Variants in TSPEAR observed in about 807,000 individuals in gnomAD.
TSPEAR encodes thrombospondin type laminin G domain and EAR repeats, also known as thrombospondin-type laminin G domain and EAR repeat-containing protein.
In TSPEAR, 69 loss-of-function variants were observed where a neutral mutation model predicts 71.6. The ratio of observed to expected loss-of-function variants is 0.96; its 90% CI spans 0.79 to 1.18. The LOEUF (loss-of-function observed/expected upper bound fraction) is 1.18, where lower values mean the gene tolerates loss of function less well. Among genes scored for constraint, TSPEAR ranks in the 50% most tolerant of loss-of-function variants. The pLI, the probability that TSPEAR is intolerant of heterozygous loss-of-function variation, is 0.00. For missense variants in TSPEAR, 971 were observed against 894.9 expected (o/e 1.09, Z -1.09); for synonymous variants, 402 against 387.2 (o/e 1.04, Z -0.45).
intron 1 of TSPEAR, chr21:44,666,219 C>G: frequency 1.9e-6 from 1 of 536,962 alleles, no homozygotes; most frequent in Non-Finnish European, 3.3e-6. Context: ...ATTTGGCTCT[C>G]ATGGGGTCAG....
Position 44,612,152 on chromosome 21 carries a change from T to C in TSPEAR, c.83-44147A>G. 1 of 1,614,100 alleles carries C rather than the reference T, an allele frequency of 6.2e-7. No individual in the cohort carries two copies. Among genetic ancestry groups the C allele is most frequent in the South Asian group, 1.1e-5 (1 of 91,084 alleles). ...GTATGTGATTGCTGCATCCACCATG[T>C]CTGTCTGCTCCAGTGACGTGGGCCA... On this transcript the variant is annotated intron_variant, in intron 1 of 11. Transcript: ENST00000323084. This position sits in a 1 kb window ranked among gnomAD's most constrained non-coding sequence, Gnocchi z 4.1.
At chr21:44,631,138 C>G (rs2876970) in intron 1 of TSPEAR, among the ~76,000 whole-genome samples, 95,825 of 151,806 alleles carry the variant, frequency 0.63, 30,585 homozygotes, top group Admixed American at 0.69. Context: ...TGAATTTACT[C>G]GACAAAGTCT....
intron 1 of TSPEAR, among the ~76,000 whole-genome samples, chr21:44,629,458 T>C (rs1042179263): frequency 6.6e-6 from 1 of 152,136 alleles, no homozygotes; most frequent in South Asian, 2.1e-4. Context: ...TGCCCTCATC[T>C]CCTCTTCTCA....
intron 1 of TSPEAR, among the ~76,000 whole-genome samples, chr21:44,693,303 T>A (rs1987194439): frequency 6.6e-6 from 1 of 152,124 alleles, no homozygotes; most frequent in Non-Finnish European, 1.5e-5. Flanking sequence ...GATTTGACAC[T>A]AGGTTCTTAG....
At chr21:44,514,522 C>T (rs1555913117) in intron 9 of TSPEAR, among the ~76,000 whole-genome samples, 6 of 152,228 alleles carry the variant, frequency 3.9e-5, no homozygotes, top group Non-Finnish European at 7.3e-5. Flanking sequence ...CACATGCCGA[C>T]AGCTGCAATC....
chr21:44,588,644 C>T (rs193249277), intron 1 of TSPEAR, among the ~76,000 whole-genome samples: 282 of 148,010 alleles, frequency 1.9e-3, no homozygotes, highest in African/African-American at 6.5e-3. Flanking sequence ...CATCAATCAA[C>T]GAGTGGATAA....
At chr21:44,631,814 C>T (rs1458424471) in intron 1 of TSPEAR, among the ~76,000 whole-genome samples, 3 of 152,172 alleles carry the variant, frequency 2.0e-5, no homozygotes, top group African/African-American at 7.2e-5. Context: ...GCACACTTAA[C>T]AGCAGTGTCA....
chr21:44,503,296 G>T (rs587623166), intron 11 of TSPEAR, among the ~76,000 whole-genome samples: 347 of 146,150 alleles, frequency 2.4e-3, no homozygotes, highest in African/African-American at 8.4e-3. Flanking sequence ...GCCCTCGGGG[G>T]GAAGCAAGGC....
intron 2 of TSPEAR, chr21:44,550,358 G>A (rs2053386954): frequency 6.4e-6 from 3 of 470,956 alleles, no homozygotes; most frequent in African/African-American, 2.0e-5. Context: ...GGAGTCAGCT[G>A]GGGCCGCAGA....
chr21:44,529,811 T>C lies in TSPEAR; in HGVS notation c.777A>G (p.Leu259=). 6.2e-7 allele frequency: 1 copy of C among 1,613,914 alleles called. No individual in the cohort carries two copies. Among genetic ancestry groups the C allele is most frequent in the East Asian group, 2.2e-5 (1 of 44,886 alleles). Residue 259 remains leucine (L), a synonymous_variant, in exon 5 of 12, where the codon CTA becomes CTG. Transcript: ENST00000323084. ...LTGKPEDNEV[L]KYPYETNIRV... ...CCCCCTACTAACCATAGGGATATTTTAGCACCTCGTTATCTTCTGGCTTCC... is the reference window on the plus strand; with the variant it reads ...CCCCCTACTAACCATAGGGATATTTCAGCACCTCGTTATCTTCTGGCTTCC...
At chr21:44,660,586 C>T (rs1365233340) in intron 1 of TSPEAR, among the ~76,000 whole-genome samples, 1 of 152,226 alleles carries the variant, frequency 6.6e-6, no homozygotes, top group African/African-American at 2.4e-5. Context: ...TCATTAACAG[C>T]ACACGTGCAC....
chr21:44,543,658 G>A (rs1307153128), intron 2 of TSPEAR, among the ~76,000 whole-genome samples: 2 of 152,202 alleles, frequency 1.3e-5, no homozygotes, highest in African/African-American at 4.8e-5. Flanking sequence ...CACACAAAGG[G>A]AAGAAGATGA....
At chr21:44,638,223 A>C in intron 1 of TSPEAR, 1 of 1,562,514 alleles carries the variant, frequency 6.4e-7, no homozygotes, top group South Asian at 1.2e-5. Flanking sequence ...CTGACCTCCC[A>C]GCTGCCCCAG....
intron 11 of TSPEAR, among the ~76,000 whole-genome samples, chr21:44,503,166 C>T (rs1427798903): frequency 2.4e-5 from 3 of 124,910 alleles, no homozygotes; most frequent in African/African-American, 3.1e-5. Context: ...CCTCGGTGAG[C>T]CCTTGGGTGG....
intron 1 of TSPEAR, among the ~76,000 whole-genome samples, chr21:44,699,128 C>T (rs781869855): frequency 3.9e-5 from 6 of 152,040 alleles, no homozygotes; most frequent in Non-Finnish European, 7.4e-5. Context: ...AGCCGGGAGG[C>T]GGAGGGTGCA....
At chr21:44,637,189 T>C (rs1357971997) in intron 1 of TSPEAR, among the ~76,000 whole-genome samples, 2 of 152,118 alleles carry the variant, frequency 1.3e-5, no homozygotes, top group Admixed American at 1.3e-4. Context: ...ACCAGCCAAG[T>C]GTTAGGAGCA....
rs1307555586 is a variant in TSPEAR at position 44,642,565 on chromosome 21, CG to C, written c.82+68867del. Among the ~76,000 whole-genome samples, 1 of 152,254 alleles carries C rather than the reference CG, an allele frequency of 6.6e-6. No homozygotes were observed. The highest frequency in any genetic ancestry group is 2.4e-5 in the African/African-American group (1 of 41,536). Reference sequence around the variant, plus strand: ...TTCCTCAAAAAATTAAAAATGGGGCCGGGCGCAGTGGCTCATGCCTGTAATC... The same window carrying C: ...TTCCTCAAAAAATTAAAAATGGGGCCGGCGCAGTGGCTCATGCCTGTAATC... On this transcript the variant is annotated intron_variant, in intron 1 of 11. Coordinates refer to ENST00000323084, the MANE Select transcript of TSPEAR (RefSeq NM_144991.3). This position sits in a 1 kb window ranked among gnomAD's most constrained non-coding sequence, Gnocchi z 4.1.
chr21:44,524,123 TCAG>T (rs1555914637), intron 8 of TSPEAR, among the ~76,000 whole-genome samples: 21 of 150,602 alleles, frequency 1.4e-4, no homozygotes, highest in African/African-American at 5.2e-4. Flanking sequence ...AGTCAGATAG[TCAG>T]TCAGTCAGTG....
At chr21:44,702,608 CCT>C in intron 1 of TSPEAR, 4 of 1,604,644 alleles carry the variant, frequency 2.5e-6, no homozygotes, top group Non-Finnish European at 3.4e-6. Context: ...AGACCCTCCT[CCT>C]CTGTGTCCCT....
Sources: gnomAD v4.1 joint callset for allele counts (sites outside exome capture counted in the v4.1 genomes callset) on GRCh38, gnomAD v4.1.1 for gene constraint, Gnocchi (gnomAD v3.1) non-coding constraint, MANE v1.5 for transcripts, NCBI Gene and HGNC (gene_info 2026-07-23, HGNC 2026-07-21) for gene names.